CARMIL1: variants seen among roughly 807,000 people sequenced by gnomAD.
CARMIL1 encodes the protein F-actin-uncapping protein LRRC16A.
In CARMIL1, 90 loss-of-function variants were observed where a neutral mutation model predicts 177.1. The ratio of observed to expected loss-of-function variants is 0.51; its 90% CI spans 0.43 to 0.61. CARMIL1 has a LOEUF of 0.61. Among genes scored for constraint, CARMIL1 ranks in the 20% least tolerant of loss-of-function variants. CARMIL1 has a pLI of 0.00. For missense variants in CARMIL1, 1,380 were observed against 1,667.0 expected (o/e 0.83, Z 3.00); for synonymous variants, 577 against 606.2 (o/e 0.95, Z 0.71).
chr6:25,497,040 T>G (rs1040594133), intron 16 of CARMIL1, among the ~76,000 whole-genome samples: 1 of 152,252 alleles, frequency 6.6e-6, no homozygotes, highest in African/African-American at 2.4e-5. Flanking sequence ...TTTGATAGTG[T>G]TAAATCAGTA....
At chr6:25,479,296 G>A (rs184237703) in intron 11 of CARMIL1, 1 of 492,418 alleles carries the variant, frequency 2.0e-6, no homozygotes, top group Non-Finnish European at 4.0e-6. Flanking sequence ...GGCTTCTTTT[G>A]CTTCTCTTTG....
chr6:25,463,874 G>A (rs1413671813), intron 8 of CARMIL1, among the ~76,000 whole-genome samples: 3 of 140,938 alleles, frequency 2.1e-5, no homozygotes, highest in Admixed American at 7.7e-5. Context: ...CCAGGCTGGA[G>A]TGCAGTGGCC....
At chr6:25,586,665 A>G (rs1231714925) in intron 31 of CARMIL1, among the ~76,000 whole-genome samples, 3 of 152,096 alleles carry the variant, frequency 2.0e-5, no homozygotes, top group African/African-American at 7.2e-5. Flanking sequence ...CCTGGGCAAC[A>G]TTGAGCATTG....
At chr6:25,349,883 C>T (rs913925341) in intron 2 of CARMIL1, among the ~76,000 whole-genome samples, 1 of 152,092 alleles carries the variant, frequency 6.6e-6, no homozygotes, top group African/African-American at 2.4e-5. Flanking sequence ...CACATGCCAC[C>T]ACGCCCAGCT....
chr6:25,614,252 AG>A (rs1280621271), intron 36 of CARMIL1, among the ~76,000 whole-genome samples: 1 of 152,204 alleles, frequency 6.6e-6, no homozygotes, highest in Non-Finnish European at 1.5e-5. Flanking sequence ...GCTAGGTGGC[AG>A]GGTGGGTTAA....
At position 25,569,536 on chromosome 6, in the gene CARMIL1, T is replaced by C. The variant is rs181354708; in HGVS notation, c.2743-11388T>C. The stretch of plus-strand genomic sequence containing the variant: ...AAAATCACCCTCCACTCTTTTTACT[T>C]GGTACCTCTGTAGTTTATTTGACTC... On this transcript the variant is annotated intron_variant, in intron 29 of 36. Transcript: ENST00000329474. Among the ~76,000 whole-genome samples the C allele has an allele frequency of 5.9e-5, 9 of 152,328 alleles. No homozygotes were observed. The East Asian group carries it at 1.7e-3, about 29-fold the overall frequency.
intron 2 of CARMIL1, among the ~76,000 whole-genome samples, chr6:25,351,019 T>G (rs938133198): frequency 6.6e-6 from 1 of 152,182 alleles, no homozygotes; most frequent in African/African-American, 2.4e-5. Context: ...GAGCACTCCC[T>G]CTTTGGATCA....
chr6:25,573,774 A>AT (rs933673157), intron 29 of CARMIL1, among the ~76,000 whole-genome samples: 11 of 152,098 alleles, frequency 7.2e-5, no homozygotes, highest in Admixed American at 6.5e-5. Context: ...CCGGCAAAAC[A>AT]TTTGTGTATT....
At chr6:25,439,109 C>T (rs538223995) in intron 5 of CARMIL1, among the ~76,000 whole-genome samples, 5 of 145,074 alleles carry the variant, frequency 3.4e-5, no homozygotes, top group Admixed American at 7.1e-5. Flanking sequence ...CCTCAGAGTC[C>T]GGTTTTAATA....
At chr6:25,343,307 G>A (rs984139806) in intron 2 of CARMIL1, among the ~76,000 whole-genome samples, 2 of 137,074 alleles carry the variant, frequency 1.5e-5, no homozygotes, top group Non-Finnish European at 3.1e-5. Context: ...GCTAAAATCA[G>A]TATTTTTGCT....
intron 2 of CARMIL1, among the ~76,000 whole-genome samples, chr6:25,390,279 C>G (rs1426770888): frequency 7.2e-6 from 1 of 138,474 alleles, no homozygotes; most frequent in East Asian, 2.0e-4. Context: ...TATATAGGTA[C>G]ACATATATAT....
chr6:25,474,906 A>C (rs987721734), intron 11 of CARMIL1, among the ~76,000 whole-genome samples: 2 of 152,226 alleles, frequency 1.3e-5, no homozygotes, highest in African/African-American at 4.8e-5. Flanking sequence ...TGAAATCTAG[A>C]GTTAAGATGG....
Position 25,281,130 on chromosome 6 carries a change from G to GCA in CARMIL1, c.40+1296_40+1297insAC, listed in dbSNP as rs1561928346. On this transcript the variant is annotated intron_variant, in intron 1 of 36. Transcript: ENST00000329474. ...TATTCACAGACGCACGCGCGTGTGC[G>GCA]CGCGCGCACACACACACACACACAC... Among the ~76,000 whole-genome samples the GCA allele has an allele frequency of 2.3e-4, 22 of 97,288 alleles. 1 individual carries two copies. Among genetic ancestry groups the GCA allele is most frequent in the East Asian group, 1.7e-3 (5 of 3,016 alleles). 63.8% of individuals were successfully genotyped at this position (97,288 alleles called of 152,430 possible). A position where few individuals can be genotyped will look rare whatever the true frequency, so the allele number is the denominator to read the frequency against.
chr6:25,317,033 A>C (rs1399641546), intron 2 of CARMIL1, among the ~76,000 whole-genome samples: 2 of 152,224 alleles, frequency 1.3e-5, no homozygotes, highest in Admixed American at 6.5e-5. Flanking sequence ...CTACAATTTT[A>C]AAACTAAAAG....
intron 8 of CARMIL1, among the ~76,000 whole-genome samples, chr6:25,459,267 T>TCTCTCTCTCTCTC (rs1799884909): frequency 9.1e-6 from 1 of 109,468 alleles, no homozygotes; most frequent in African/African-American, 3.4e-5. Flanking sequence ...TCTTTCTTTC[T>TCTCTCTCTCTCTC]TTTTTTTTTT....
chr6:25,471,771 T>G (rs1430081713), intron 10 of CARMIL1, among the ~76,000 whole-genome samples: 2 of 152,212 alleles, frequency 1.3e-5, no homozygotes, highest in African/African-American at 4.8e-5. Context: ...TCAGTTTTAG[T>G]CATTTTTTCT....
intron 11 of CARMIL1, among the ~76,000 whole-genome samples, chr6:25,475,441 C>T (rs1207233224): frequency 6.6e-6 from 1 of 151,240 alleles, no homozygotes; most frequent in Non-Finnish European, 1.5e-5. Flanking sequence ...TGCCATATAA[C>T]CCAGAAATTC....
chr6:25,618,059 A>G (rs1193540894), intron 36 of CARMIL1, among the ~76,000 whole-genome samples: 2 of 152,182 alleles, frequency 1.3e-5, no homozygotes, highest in Admixed American at 6.5e-5. Context: ...TTTTCCTTTC[A>G]GAGTTTTGAG....
intron 32 of CARMIL1, among the ~76,000 whole-genome samples, chr6:25,597,803 G>C (rs1251911652): frequency 6.6e-6 from 1 of 152,172 alleles, no homozygotes; most frequent in East Asian, 1.9e-4. Flanking sequence ...TCCTGAGAAA[G>C]ACAGTTTGGA....
Sources: allele counts gnomAD v4.1 joint callset (sites outside exome capture counted in the v4.1 genomes callset), GRCh38; gene constraint gnomAD v4.1.1; transcripts MANE v1.5; gene names NCBI Gene and HGNC (gene_info 2026-07-23, HGNC 2026-07-21).